The following ARNT2 variants were observed in gnomAD, a reference collection of about 807,000 sequenced individuals.
The protein encoded by ARNT2 is ARNT protein 2.
A neutral mutation model predicts 91.7 loss-of-function variants in ARNT2; 36 were observed. The observed-to-expected ratio is 0.39, with a 90% CI of 0.30 to 0.52. The LOEUF (loss-of-function observed/expected upper bound fraction) is 0.52. ARNT2 is among the 20% of genes least tolerant of loss of function. ARNT2 has a pLI of 0.72. For synonymous variants in ARNT2, 365 were observed against 347.1 expected (o/e 1.05, Z -0.57); for missense variants, 775 against 939.3 (o/e 0.83, Z 2.29).
intron 3 of ARNT2, among the ~76,000 whole-genome samples, chr15:80,466,561 A>T (rs1320691583): frequency 6.6e-6 from 1 of 152,176 alleles, no homozygotes; most frequent in Non-Finnish European, 1.5e-5. Context: ...CTCCAGGCAG[A>T]CCCCAAATTG....
chr15:80,414,705 C>T lies in ARNT2; in HGVS notation c.31+10159C>T, dbSNP rs1371880304. On this transcript the variant is annotated intron_variant, in intron 1 of 18. Coordinates refer to ENST00000303329, the MANE Select transcript of ARNT2 (RefSeq NM_014862.4). ...ATAATTTGATATGCTTGATGGATTCCAAGTCCCCCAAAGAATAAAATGAAT... is the reference window on the plus strand; with the variant it reads ...ATAATTTGATATGCTTGATGGATTCTAAGTCCCCCAAAGAATAAAATGAAT... 2.0e-5 allele frequency among the ~76,000 whole-genome samples: 3 copies of T among 151,974 alleles called. No individual in the cohort carries two copies. The East Asian group carries it at 5.8e-4, about 29-fold the overall frequency.
At chr15:80,534,298 A>G (rs902627528) in intron 8 of ARNT2, among the ~76,000 whole-genome samples, 3 of 152,174 alleles carry the variant, frequency 2.0e-5, no homozygotes, top group Non-Finnish European at 2.9e-5. Context: ...TTAAGTACCA[A>G]AACATCATTG....
intron 1 of ARNT2, among the ~76,000 whole-genome samples, chr15:80,445,678 G>A (rs1365596608): frequency 6.6e-6 from 1 of 151,904 alleles, no homozygotes; most frequent in African/African-American, 2.4e-5. Context: ...ACCCGAGTGG[G>A]GTCTGCACTC....
At chr15:80,443,132 C>A in intron 1 of ARNT2, 1 of 624,754 alleles carries the variant, frequency 1.6e-6, no homozygotes, top group Non-Finnish European at 2.0e-6. Context: ...ATCTAAATGA[C>A]TGTAAGGAAC....
At chr15:80,461,069 G>A (rs1204491075) in intron 3 of ARNT2, among the ~76,000 whole-genome samples, 3 of 152,148 alleles carry the variant, frequency 2.0e-5, no homozygotes, top group East Asian at 3.9e-4. Context: ...GGTGGGAAGA[G>A]GTTTGCTATT....
chr15:80,515,281 G>T (rs1897414453), intron 8 of ARNT2, among the ~76,000 whole-genome samples: 1 of 152,082 alleles, frequency 6.6e-6, no homozygotes, highest in East Asian at 1.9e-4. Flanking sequence ...CAAGAGAATT[G>T]AAAATGTTCA....
chr15:80,559,388 G>C lies in ARNT2; in HGVS notation c.1165-3700G>C, dbSNP rs190525328. 8.9e-3 allele frequency among the ~76,000 whole-genome samples: 1,356 copies of C among 152,288 alleles called. 24 individuals carry two copies. The highest frequency in any genetic ancestry group is 0.03 in the African/African-American group (1,264 of 41,552). On this transcript the variant is annotated intron_variant, in intron 11 of 18. Coordinates refer to ENST00000303329, the MANE Select transcript of ARNT2 (RefSeq NM_014862.4). ...GTGGGCAGCGGCCAAGCAGCCACAG[G>C]GACATCCTGGAGCACACCGCACCTC...
intron 17 of ARNT2, among the ~76,000 whole-genome samples, chr15:80,590,848 A>G (rs1482379132): frequency 6.6e-6 from 1 of 152,242 alleles, no homozygotes; most frequent in Non-Finnish European, 1.5e-5. Flanking sequence ...TCATTTATAA[A>G]TGAATTTGCT....
At chr15:80,550,985 G>A in intron 8 of ARNT2, 1 of 518,162 alleles carries the variant, frequency 1.9e-6, no homozygotes, top group East Asian at 3.2e-5. Context: ...ATCCACAGAT[G>A]GAGATGATAA....
At chr15:80,559,168 G>A (rs777759050) in intron 11 of ARNT2, among the ~76,000 whole-genome samples, 1 of 152,046 alleles carries the variant, frequency 6.6e-6, no homozygotes, top group African/African-American at 2.4e-5. Context: ...GACTGCTGAC[G>A]CTGTCAGAAC....
At chr15:80,512,725 A>G (rs1486117452) in intron 6 of ARNT2, among the ~76,000 whole-genome samples, 1 of 152,244 alleles carries the variant, frequency 6.6e-6, no homozygotes, top group Admixed American at 6.5e-5. Context: ...TGAAAGTGCC[A>G]TAGTATATCA....
intron 1 of ARNT2, among the ~76,000 whole-genome samples, chr15:80,434,739 G>T (rs1046085390): frequency 6.6e-6 from 1 of 152,164 alleles, no homozygotes; most frequent in Non-Finnish European, 1.5e-5. Flanking sequence ...CAGAGGAGAG[G>T]CAGGGAACGG....
chr15:80,459,060 C>T (rs1041263452), intron 3 of ARNT2, among the ~76,000 whole-genome samples: 1 of 152,210 alleles, frequency 6.6e-6, no homozygotes, highest in African/African-American at 2.4e-5. Flanking sequence ...GTTCCACACA[C>T]TTTTCCACCA....
At chr15:80,478,805 A>C (rs1358298127) in intron 5 of ARNT2, among the ~76,000 whole-genome samples, 1 of 152,200 alleles carries the variant, frequency 6.6e-6, no homozygotes, top group African/African-American at 2.4e-5. Context: ...TTTCATATGT[A>C]ACCAGCCCAA....
In ARNT2 at chr15:80,596,516, T is replaced by C. The variant is rs1006805217; in HGVS notation, c.*2818T>C. 3 of 152,148 alleles carry C rather than the reference T, an allele frequency of 2.0e-5. No homozygotes were observed. The highest frequency in any genetic ancestry group is 4.4e-5 in the Non-Finnish European group (3 of 68,070). 9.4% of individuals were successfully genotyped at this position (152,148 alleles called of 1,614,324 possible). A position where few individuals can be genotyped will look rare whatever the true frequency, so the allele number is the denominator to read the frequency against. On this transcript the variant is annotated 3_prime_UTR_variant, in exon 19 of 19. Coordinates refer to ENST00000303329, the MANE Select transcript of ARNT2 (RefSeq NM_014862.4). ...ATTAAAGCCCCAGAGGATTTAATTA[T>C]CCTGGTTTGCAAAAGAGCCTCCCAT... is the stretch of plus-strand genomic sequence containing the variant.
At chr15:80,554,750 A>T (rs1898146249) in intron 10 of ARNT2, 1 of 227,524 alleles carries the variant, frequency 4.4e-6, no homozygotes, top group African/African-American at 2.2e-5. Flanking sequence ...TTATGTTATT[A>T]AAGTATGTTT....
chr15:80,476,632 G>T (rs1566982802), intron 5 of ARNT2, among the ~76,000 whole-genome samples: 1 of 152,220 alleles, frequency 6.6e-6, no homozygotes, highest in East Asian at 1.9e-4. Context: ...GCCTTCAGCA[G>T]AAGCCTGATG....
chr15:80,551,066 T>C (rs1164146748), intron 8 of ARNT2, 133 bp from the exon 9 acceptor site: 5 of 765,446 alleles, frequency 6.5e-6, no homozygotes, highest in African/African-American at 3.5e-5. Flanking sequence ...GGTTAATTCA[T>C]TGGCTGGCTT....
At chr15:80,582,716 C>T (rs988291698) in intron 17 of ARNT2, among the ~76,000 whole-genome samples, 2 of 152,142 alleles carry the variant, frequency 1.3e-5, no homozygotes, top group African/African-American at 4.8e-5. Context: ...TAAGTATTCT[C>T]GCCACGTGGT....
Sources: gnomAD v4.1 joint callset for allele counts (sites outside exome capture counted in the v4.1 genomes callset) on GRCh38, gnomAD v4.1.1 for gene constraint, MANE v1.5 for transcripts, NCBI Gene and HGNC (gene_info 2026-07-23, HGNC 2026-07-21) for gene names.